Variants in RPTOR observed in about 807,000 individuals in gnomAD.
The protein encoded by RPTOR is regulatory-associated protein of mTOR.
A neutral mutation model predicts 169.9 loss-of-function variants in RPTOR; 21 were observed. That is an observed-to-expected ratio of 0.12 (90% CI 0.09 to 0.18). The LOEUF (loss-of-function observed/expected upper bound fraction) is 0.18. Ranked by LOEUF, RPTOR falls within the 10% of genes least tolerant of loss-of-function variation. RPTOR has a pLI of 1.00. For missense variants in RPTOR, 1,133 were observed against 1,855.9 expected (o/e 0.61, Z 7.16); for synonymous variants, 732 against 753.2 (o/e 0.97, Z 0.46).
intron 9 of RPTOR, among the ~76,000 whole-genome samples, chr17:80,825,609 G>A (rs759355514): frequency 6.6e-5 from 10 of 152,202 alleles, no homozygotes; most frequent in African/African-American, 9.6e-5. Context: ...TGTGCTTATC[G>A]GTTGCACTAG....
intron 13 of RPTOR, among the ~76,000 whole-genome samples, chr17:80,875,874 C>T (rs1156776760): frequency 2.2e-5 from 3 of 138,106 alleles, no homozygotes; most frequent in Admixed American, 7.2e-5. Flanking sequence ...ACACCGAGCC[C>T]GTGCCACGCA....
intron 10 of RPTOR, among the ~76,000 whole-genome samples, chr17:80,839,332 A>T (rs529953228): frequency 6.6e-6 from 1 of 152,236 alleles, no homozygotes; most frequent in South Asian, 2.1e-4. Flanking sequence ...TTTTGGTAAC[A>T]TTTGATTGTG....
intron 30 of RPTOR, 122 bp from the exon 31 acceptor site, chr17:80,961,272 G>A (rs927073929): frequency 1.2e-6 from 1 of 863,080 alleles, no homozygotes; most frequent in Non-Finnish European, 1.7e-6. Flanking sequence ...GTGGGGAGCG[G>A]ACGGGCGAGG....
At chr17:80,929,221 G>A (rs1276753435) in intron 24 of RPTOR, among the ~76,000 whole-genome samples, 1 of 152,184 alleles carries the variant, frequency 6.6e-6, no homozygotes, top group Non-Finnish European at 1.5e-5. Flanking sequence ...GGATGTCCTT[G>A]ATCCAAAAGG....
At chr17:80,777,803 A>G (rs9898441) in intron 6 of RPTOR, among the ~76,000 whole-genome samples, 3 of 152,034 alleles carry the variant, frequency 2.0e-5, no homozygotes, top group African/African-American at 7.3e-5. Flanking sequence ...TTAAATAAGC[A>G]TAGCTTGGAC....
intron 5 of RPTOR, among the ~76,000 whole-genome samples, chr17:80,742,820 A>G (rs1040499945): frequency 3.3e-5 from 5 of 152,072 alleles, no homozygotes; most frequent in Admixed American, 6.6e-5. Context: ...ACATATATAC[A>G]TGCCCACCTA....
intron 6 of RPTOR, chr17:80,774,398 G>A: frequency 1.0e-6 from 1 of 966,248 alleles, no homozygotes; most frequent in Non-Finnish European, 1.2e-6. Context: ...TGTCACATTT[G>A]CTCTTACTAA....
intron 3 of RPTOR, among the ~76,000 whole-genome samples, chr17:80,701,921 A>G (rs964192922): frequency 1.7e-4 from 26 of 152,062 alleles, no homozygotes; most frequent in African/African-American, 6.0e-4. Flanking sequence ...CTTGATCCAC[A>G]CCAGCGGCAG....
intron 3 of RPTOR, among the ~76,000 whole-genome samples, chr17:80,690,576 T>C (rs1368155837): frequency 6.6e-6 from 1 of 151,774 alleles, no homozygotes; most frequent in Non-Finnish European, 1.5e-5. Context: ...TTCTCCCCCC[T>C]TGCCCTGGGT....
rs563653581 is a variant in RPTOR at position 80,876,085 on chromosome 17, G to A, written c.1510-4330G>A. ...ACCGAGCCCGTGCCACGCAGGGTGTGTGTGTCACCTGCCGGGTCTTCCACC... is the reference window on the plus strand; with the variant it reads ...ACCGAGCCCGTGCCACGCAGGGTGTATGTGTCACCTGCCGGGTCTTCCACC... On this transcript the variant is annotated intron_variant, in intron 13 of 33. Coordinates refer to ENST00000306801, the MANE Select transcript of RPTOR (RefSeq NM_020761.3). Among the ~76,000 whole-genome samples, 3 of 120,816 alleles carry A rather than the reference G, an allele frequency of 2.5e-5. No individual in the cohort carries two copies. In the East Asian group the frequency reaches 8.2e-4, roughly 33 times the overall value. The allele number at this position is 120,816 out of a possible 152,430, so 79.3% of individuals were successfully genotyped here. A position where few individuals can be genotyped will look rare whatever the true frequency, so the allele number is the denominator to read the frequency against.
At chr17:80,626,829 A>G (rs1325676655) in intron 2 of RPTOR, among the ~76,000 whole-genome samples, 1 of 149,576 alleles carries the variant, frequency 6.7e-6, no homozygotes, top group East Asian at 1.9e-4. Flanking sequence ...TCTAGGAATT[A>G]TTAAGTGTAC....
intron 6 of RPTOR, among the ~76,000 whole-genome samples, chr17:80,777,526 A>G (rs1246846482): frequency 6.7e-6 from 1 of 148,710 alleles, no homozygotes; most frequent in Non-Finnish European, 1.5e-5. Flanking sequence ...GCATCTTTTT[A>G]TGGGCTTATT....
intron 4 of RPTOR, among the ~76,000 whole-genome samples, chr17:80,722,192 C>T (rs1423699576): frequency 1.3e-5 from 2 of 151,066 alleles, no homozygotes; most frequent in Non-Finnish European, 2.9e-5. Flanking sequence ...TCATCATCAT[C>T]ATCATCATTG....
chr17:80,668,398 G>A (rs1394839705), intron 3 of RPTOR, among the ~76,000 whole-genome samples: 1 of 152,212 alleles, frequency 6.6e-6, no homozygotes, highest in Non-Finnish European at 1.5e-5. Flanking sequence ...GAGCAGGCTT[G>A]TGTTCTTTGT....
intron 19 of RPTOR, 39 bp from the exon 20 acceptor site, chr17:80,893,668 C>A (rs1443888172): frequency 6.3e-7 from 1 of 1,585,352 alleles, no homozygotes. Flanking sequence ...AAAGGAGGGT[C>A]CCGGGAGCAC....
At chr17:80,563,595 A>AT in intron 1 of RPTOR, among the ~76,000 whole-genome samples, 1 of 148,040 alleles carries the variant, frequency 6.8e-6, no homozygotes, top group Non-Finnish European at 1.5e-5. Context: ...TAATAAATAA[A>AT]AAATAAGGGA....
chr17:80,874,342 G>A (rs866131586), intron 13 of RPTOR, among the ~76,000 whole-genome samples: 4 of 151,998 alleles, frequency 2.6e-5, no homozygotes, highest in African/African-American at 4.8e-5. Flanking sequence ...GACCACAGGC[G>A]CGTGCCACCA....
At chr17:80,586,491 A>G (rs900009408) in intron 1 of RPTOR, among the ~76,000 whole-genome samples, 1 of 152,214 alleles carries the variant, frequency 6.6e-6, no homozygotes, top group African/African-American at 2.4e-5. Context: ...GTAACAAAGA[A>G]TTAAAAGGAA....
intron 6 of RPTOR, among the ~76,000 whole-genome samples, chr17:80,778,869 A>C (rs760119069): frequency 6.6e-6 from 1 of 152,304 alleles, no homozygotes; most frequent in East Asian, 1.9e-4. Flanking sequence ...AGAAGGAACA[A>C]CTGTCGTGGC....
Sources: allele counts gnomAD v4.1 joint callset (sites outside exome capture counted in the v4.1 genomes callset), GRCh38; gene constraint gnomAD v4.1.1; transcripts MANE v1.5; gene names NCBI Gene and HGNC (gene_info 2026-07-23, HGNC 2026-07-21).